Variants in OOSP4B observed in about 807,000 individuals in gnomAD.
OOSP4B encodes the protein oocyte-secreted protein 4B.
At chr11:60,027,491 T>C (rs960711280) in intron 3 of OOSP4B, among the ~76,000 whole-genome samples, 6 of 151,794 alleles carry the variant, frequency 4.0e-5, no homozygotes, top group Non-Finnish European at 7.4e-5. Flanking sequence ...CAATGTCTTC[T>C]CAACCTCTGT....
At chr11:60,023,018 C>T (rs1307183049) in intron 1 of OOSP4B, among the ~76,000 whole-genome samples, 1 of 152,094 alleles carries the variant, frequency 6.6e-6, no homozygotes, top group Non-Finnish European at 1.5e-5. Context: ...TTGTTTTTAC[C>T]TTAATAAACA....
chr11:60,019,611 C>T (rs1417436643), intron 1 of OOSP4B: 2 of 152,566 alleles, frequency 1.3e-5, no homozygotes, highest in African/African-American at 4.8e-5. Context: ...GGCAGCGCGT[C>T]TGGAGTTGTT....
At chr11:60,027,654 T>TGAAAAAAAAAAAAAAAAA (rs1854757000) in intron 3 of OOSP4B, among the ~76,000 whole-genome samples, 1 of 57,322 alleles carries the variant, frequency 1.7e-5, no homozygotes, top group Admixed American at 2.9e-4. Flanking sequence ...GGCTATGATA[T>TGAAAAAAAAAAAAAAAAA]TAAAAAAAAA....
intron 3 of OOSP4B, among the ~76,000 whole-genome samples, chr11:60,026,945 C>T (rs1004547894): frequency 3.3e-5 from 5 of 152,274 alleles, no homozygotes; most frequent in Middle Eastern, 3.4e-3. Context: ...ATATCATAAA[C>T]ATTCATGTTG....
chr11:60,017,603 T>C (rs1380632460), intron 1 of OOSP4B, among the ~76,000 whole-genome samples, 190 bp downstream of exon 1: 2 of 152,232 alleles, frequency 1.3e-5, no homozygotes, highest in Non-Finnish European at 2.9e-5. Context: ...CCTGTTTCTA[T>C]TACTCAGTTA....
chr11:60,023,896 C>T lies in OOSP4B; in HGVS notation c.39C>T (p.Cys13=), dbSNP rs139208493. 321 of 398,438 alleles carry T rather than the reference C, an allele frequency of 8.1e-4. 3 individuals are homozygous for T. Among genetic ancestry groups the T allele is most frequent in the African/African-American group, 5.7e-3 (276 of 48,700 alleles). 24.7% of individuals were successfully genotyped at this position (398,438 alleles called of 1,614,324 possible). A position where few individuals can be genotyped will look rare whatever the true frequency, so the allele number is the denominator to read the frequency against. Residue 13 remains cysteine (C), a synonymous_variant, in exon 2 of 5, where the codon TGC becomes TGT. Coordinates refer to ENST00000642343, the Ensembl canonical transcript of OOSP4B. ...TTCTTTTAGCAATAACTGCAATGTG[C>T]TCTGATGATTGGTTGTTAGTCAGAA... is the stretch of plus-strand genomic sequence containing the variant.
chr11:60,029,802 T>C (rs948735662), exon 4 of OOSP4B: 1 of 398,438 alleles, frequency 2.5e-6, no homozygotes, highest in Non-Finnish European at 4.4e-6. Flanking sequence ...CCCTCTGTGA[T>C]GCATTTTGGA....
chr11:60,020,515 T>G (rs1854679546), intron 1 of OOSP4B, among the ~76,000 whole-genome samples: 1 of 152,130 alleles, frequency 6.6e-6, no homozygotes, highest in Non-Finnish European at 1.5e-5. Flanking sequence ...GCTCCGAGTG[T>G]GGGGCAGCGG....
At chr11:60,020,765 C>T (rs1051898247) in intron 1 of OOSP4B, among the ~76,000 whole-genome samples, 3 of 152,246 alleles carry the variant, frequency 2.0e-5, no homozygotes, top group Admixed American at 6.5e-5. Flanking sequence ...GCTGCCAGCA[C>T]GCTGTCACCT....
intron 3 of OOSP4B, among the ~76,000 whole-genome samples, chr11:60,027,454 A>G (rs1166404872): frequency 6.6e-6 from 1 of 151,882 alleles, no homozygotes; most frequent in Non-Finnish European, 1.5e-5. Context: ...TTTTAATCTG[A>G]GAAAATATGT....
Position 60,030,787 on chromosome 11 carries a change from C to T in OOSP4B, c.451-15C>T, listed in dbSNP as rs975089154. On this transcript the variant is annotated splice_polypyrimidine_tract_variant and intron_variant, in intron 4 of 4. Transcript: ENST00000642343. The stretch of plus-strand genomic sequence containing the variant: ...TTTAAGCAGCTCTTAACTGCTTTTC[C>T]CCCCTATCCTACAGGAGCAACTATC... The T allele has an allele frequency of 5.0e-6, 2 of 397,950 alleles. No individual in the cohort carries two copies. The highest frequency in any genetic ancestry group is 8.9e-6 in the Non-Finnish European group (2 of 225,836). The allele number at this position is 397,950 out of a possible 1,614,324, so 24.7% of individuals were successfully genotyped here.
chr11:60,028,154 T>C (rs930322021), intron 3 of OOSP4B, among the ~76,000 whole-genome samples: 2 of 151,430 alleles, frequency 1.3e-5, no homozygotes, highest in African/African-American at 4.9e-5. Flanking sequence ...GAAAGTAGTT[T>C]CGTAGTCACT....
At position 60,027,327 on chromosome 11, in the gene OOSP4B, G is replaced by A. The variant is rs537502852; in HGVS notation, c.302+2322G>A. Among the ~76,000 whole-genome samples, 69 of 152,190 alleles carry A rather than the reference G, an allele frequency of 4.5e-4. 2 individuals carry two copies. In the South Asian group the frequency reaches 0.014, roughly 31 times the overall value. ...CTCTTGCCTGGCTAAGATTTTGGTG[G>A]TAGTCTTTGGTTTTTTAAAGAACAT... On this transcript the variant is annotated intron_variant, in intron 3 of 4. Transcript: ENST00000642343.
intron 1 of OOSP4B, among the ~76,000 whole-genome samples, chr11:60,023,251 T>TCAA (rs1854712257): frequency 6.6e-6 from 1 of 152,234 alleles, no homozygotes; most frequent in African/African-American, 2.4e-5. Context: ...CAAGGGGCTT[T>TCAA]TGAGCACATG....
chr11:60,027,986 G>C (rs1230336459), intron 3 of OOSP4B, among the ~76,000 whole-genome samples: 1 of 151,178 alleles, frequency 6.6e-6, no homozygotes, highest in African/African-American at 2.4e-5. Context: ...GGAAAGAAGT[G>C]GTACTTATGG....
At chr11:60,021,671 T>G (rs1395028946) in intron 1 of OOSP4B, 1 of 152,232 alleles carries the variant, frequency 6.6e-6, no homozygotes, top group Non-Finnish European at 1.5e-5. Context: ...TCTCAGGTTT[T>G]CTTTGTTAGA....
At chr11:60,019,787 A>G (rs997625267) in intron 1 of OOSP4B, among the ~76,000 whole-genome samples, 5 of 152,242 alleles carry the variant, frequency 3.3e-5, no homozygotes, top group Non-Finnish European at 5.9e-5. Context: ...GGAGACCCCC[A>G]ACGGGTTGCC....
rs61649958 is a variant in OOSP4B, at chr11:60,027,655, T to TAAAAAAAAAAAAAAAAAAAAAA, written c.303-2123_303-2102dup. On this transcript the variant is annotated intron_variant, in intron 3 of 4. Transcript: ENST00000642343. ...TCTAAGCAGGTAAAGGCTATGATAT[T>TAAAAAAAAAAAAAAAAAAAAAA]AAAAAAAAAAAAAAAAAAAAAAAAA... 4.5e-4 allele frequency among the ~76,000 whole-genome samples: 28 copies of TAAAAAAAAAAAAAAAAAAAAAA among 62,230 alleles called. 2 individuals carry two copies. Among genetic ancestry groups the TAAAAAAAAAAAAAAAAAAAAAA allele is most frequent in the East Asian group, 1.6e-3 (2 of 1,280 alleles). 40.8% of individuals were successfully genotyped at this position (62,230 alleles called of 152,430 possible). A position where few individuals can be genotyped will look rare whatever the true frequency, so the allele number is the denominator to read the frequency against.
intron 3 of OOSP4B, among the ~76,000 whole-genome samples, chr11:60,029,349 A>G (rs1854780595): frequency 6.6e-6 from 1 of 152,088 alleles, no homozygotes; most frequent in Non-Finnish European, 1.5e-5. Flanking sequence ...TTAACCTTGG[A>G]ATGGGGTGTG....
Sources: gnomAD v4.1 joint callset for allele counts (sites outside exome capture counted in the v4.1 genomes callset) on GRCh38, gnomAD v4.1.1 for gene constraint, MANE v1.5 for transcripts, NCBI Gene and HGNC (gene_info 2026-07-23, HGNC 2026-07-21) for gene names.